The following CRTAM variants were observed in gnomAD, a reference collection of about 807,000 sequenced individuals.
CRTAM encodes the protein cytotoxic and regulatory T cell molecule.
A neutral mutation model predicts 50.0 loss-of-function variants in CRTAM; 44 were observed. The observed-to-expected ratio is 0.88, with a 90% CI of 0.69 to 1.13. CRTAM has a LOEUF of 1.13. Ranked by LOEUF, CRTAM falls within the 50% of genes most tolerant of loss-of-function variation. The pLI is 0.00. For missense variants in CRTAM, 448 were observed against 457.5 expected (o/e 0.98, Z 0.19); for synonymous variants, 159 against 169.3 (o/e 0.94, Z 0.47).
At chr11:122,862,342 G>A (rs778949834) in intron 5 of CRTAM, 122 bp from the exon 6 acceptor site, 52 of 694,018 alleles carry the variant, frequency 7.5e-5, no homozygotes, top group Non-Finnish European at 1.2e-4. Context: ...CAGTTCTGGG[G>A]TTTCTGCACA....
At chr11:122,867,730 G>A (rs1862198163) in intron 8 of CRTAM, among the ~76,000 whole-genome samples, 175 bp downstream of exon 8, 2 of 152,300 alleles carry the variant, frequency 1.3e-5, no homozygotes, top group Middle Eastern at 3.4e-3. Context: ...AATCTCCAGG[G>A]ACTATAGTCT....
chr11:122,868,519 A>G (rs1008068162), intron 9 of CRTAM, among the ~76,000 whole-genome samples: 48 of 152,222 alleles, frequency 3.2e-4, no homozygotes, highest in African/African-American at 1.2e-3. Flanking sequence ...CTGGGCCCCC[A>G]ACAGAATGGA....
At position 122,862,517 on chromosome 11, in the gene CRTAM, C is replaced by A; in HGVS notation, c.706C>A (p.Gln236Lys). The change falls in exon 6 of 10, where the codon CAA (glutamine) becomes AAA (lysine). Residue 236 changes from glutamine to lysine, a missense_variant. Physicochemically the swap from Gln to Lys is moderately conservative, Grantham distance 53. Transcript: ENST00000227348. ...DALERNSLSS[Q>K]DPQQPTSTVS... ...TCTGGAGAGAAACTCTCTATCCTCTCAAGACCCACAGCAGCCCACCAGTAC... is the reference window on the plus strand; with the variant it reads ...TCTGGAGAGAAACTCTCTATCCTCTAAAGACCCACAGCAGCCCACCAGTAC... 6.2e-7 allele frequency: 1 copy of A among 1,611,476 alleles called. No homozygotes were observed. The highest frequency in any genetic ancestry group is 2.2e-5 in the East Asian group (1 of 44,874).
chr11:122,864,228 A>G (rs1862138705), intron 6 of CRTAM, among the ~76,000 whole-genome samples: 1 of 152,178 alleles, frequency 6.6e-6, no homozygotes, highest in African/African-American at 2.4e-5. Context: ...CTGATTCAGG[A>G]TGGAAATATG....
chr11:122,862,467 C>T lies in CRTAM; in HGVS notation c.656C>T (p.Thr219Ile). 1 of 1,610,166 alleles carries T rather than the reference C, an allele frequency of 6.2e-7. No individual in the cohort carries two copies. Among genetic ancestry groups the T allele is most frequent in the Non-Finnish European group, 8.5e-7 (1 of 1,176,344 alleles). The change falls in exon 6 of 10, where the codon ACT (threonine) becomes ATT (isoleucine). Residue 219 changes from threonine (T) to isoleucine (I), a missense_variant. Thr to Ile is a moderately conservative substitution (Grantham distance 89, BLOSUM62 -1). Transcript: ENST00000227348. ...VAPFRFEDLV[T>I]DEETASDALE... is the part of the protein sequence containing the mutation. Reference sequence around the variant, plus strand: ...TTTTGTTTTTCCCCTTTCCTAGTTACTGATGAAGAGACAGCTTCAGATGCT... The same window carrying T: ...TTTTGTTTTTCCCCTTTCCTAGTTATTGATGAAGAGACAGCTTCAGATGCT...
chr11:122,849,916 T>A lies in CRTAM; in HGVS notation c.47-152T>A, dbSNP rs1021655550. On this transcript the variant is annotated intron_variant, in intron 1 of 9. Transcript: ENST00000227348. Reference sequence around the variant, plus strand: ...TATCATTACTGCTCCTACTCTCAGTTCTTGCCTCTCCCCTCCCATTTTGTT... The same window carrying A: ...TATCATTACTGCTCCTACTCTCAGTACTTGCCTCTCCCCTCCCATTTTGTT... 29 of 616,244 alleles carry A rather than the reference T, an allele frequency of 4.7e-5. No homozygotes were observed. The Admixed American group carries it at 7.8e-4, about 17-fold the overall frequency. The allele number at this position is 616,244 out of a possible 1,614,324, so 38.2% of individuals were successfully genotyped here. A position where few individuals can be genotyped will look rare whatever the true frequency, so the allele number is the denominator to read the frequency against.
chr11:122,858,360 G>A (rs1033681734), intron 5 of CRTAM, among the ~76,000 whole-genome samples: 2 of 152,060 alleles, frequency 1.3e-5, no homozygotes, highest in Non-Finnish European at 2.9e-5. Context: ...GGGGTGGCTG[G>A]GAGCACAGGC....
intron 9 of CRTAM, among the ~76,000 whole-genome samples, chr11:122,868,513 G>A (rs1565294664): frequency 1.3e-5 from 2 of 151,910 alleles, no homozygotes; most frequent in Non-Finnish European, 2.9e-5. Flanking sequence ...TTCTTTCTGG[G>A]CCCCCAACAG....
intron 4 of CRTAM, among the ~76,000 whole-genome samples, chr11:122,854,509 C>T (rs939880689): frequency 1.4e-5 from 2 of 141,188 alleles, no homozygotes; most frequent in Non-Finnish European, 1.5e-5. Context: ...CTCGTCCCTA[C>T]TAAAAATAAA....
rs763296787 is a variant in CRTAM, at chr11:122,854,085, C to A, written c.489C>A (p.Ser163=). 1.2e-6 allele frequency: 2 copies of A among 1,609,888 alleles called. No homozygotes were observed. The highest frequency in any genetic ancestry group is 1.7e-5 in the Admixed American group (1 of 58,990). Residue 163 remains serine (S), a splice_region_variant and synonymous_variant, in exon 4 of 10, where the codon TCC becomes TCA. Coordinates refer to ENST00000227348, the MANE Select transcript of CRTAM (RefSeq NM_019604.4). ...TWLLGNSMEV[S]GGTLHEFETD... is the part of the protein sequence containing the mutation. The stretch of plus-strand genomic sequence containing the variant: ...TACTTGGGAATAGCATGGAAGTGTC[C>A]GGTAAGGGGAGAAATGGTTCTCTTT...
chr11:122,870,672 A>T (rs145001463), intron 9 of CRTAM, among the ~76,000 whole-genome samples: 2 of 152,184 alleles, frequency 1.3e-5, no homozygotes, highest in African/African-American at 4.8e-5. Flanking sequence ...CTAGTGTGCA[A>T]TTTTGCTAAG....
intron 5 of CRTAM, among the ~76,000 whole-genome samples, chr11:122,857,215 T>C (rs1241582449): frequency 6.6e-6 from 1 of 152,194 alleles, no homozygotes; most frequent in East Asian, 1.9e-4. Flanking sequence ...ACGCCTGTAA[T>C]CCCAGCACTT....
At chr11:122,867,354 C>CA (rs57365669) in intron 7 of CRTAM, 55 bp from the exon 8 acceptor site, 1,402 of 1,242,652 alleles carry the variant, frequency 1.1e-3, no homozygotes, top group Admixed American at 2.1e-3. Flanking sequence ...TCTCCAGTGG[C>CA]AAAAAAAAAA....
At chr11:122,851,870 T>G in intron 3 of CRTAM, 25 bp downstream of exon 3, 1 of 1,609,656 alleles carries the variant, frequency 6.2e-7, no homozygotes, top group Non-Finnish European at 8.5e-7. Flanking sequence ...GTGAACCCAG[T>G]AGGGGAGCAA....
rs749909101 is a variant in CRTAM, at chr11:122,850,133, T to C, written c.112T>C (p.Cys38Arg). 1 of 1,613,582 alleles carries C rather than the reference T, an allele frequency of 6.2e-7. No homozygotes were observed. The highest frequency in any genetic ancestry group is 1.1e-5 in the South Asian group (1 of 91,030). ...GGAAGGCCAGACGCTCACTCTAAAG[T>C]GTGTCACTTCTCTGAGGAAGAACTC... ...VEEGQTLTLK[C>R]VTSLRKNSSL... The change falls in exon 2 of 10, where the codon TGT (cysteine) becomes CGT (arginine). Residue 38 changes from cysteine (C) to arginine (R), a missense_variant. Cys to Arg is a radical substitution (Grantham distance 180, BLOSUM62 -3). Coordinates refer to ENST00000227348, the MANE Select transcript of CRTAM (RefSeq NM_019604.4).
intron 1 of CRTAM, among the ~76,000 whole-genome samples, chr11:122,839,525 T>C (rs1861774394): frequency 6.6e-6 from 1 of 152,214 alleles, no homozygotes; most frequent in Admixed American, 6.5e-5. Context: ...AATTTGGATT[T>C]TAGTGCTTAA....
At position 122,859,067 on chromosome 11, in the gene CRTAM, T is replaced by C. The variant is rs1385611828; in HGVS notation, c.652+3211T>C. 2.0e-5 allele frequency among the ~76,000 whole-genome samples: 3 copies of C among 152,324 alleles called. No individual in the cohort carries two copies. The East Asian group carries it at 5.8e-4, about 29-fold the overall frequency. ...AAAAAATATGTATCTGTCAATTTATTTTAAAATAATAAATCTGCTACATGT... is the reference window on the plus strand; with the variant it reads ...AAAAAATATGTATCTGTCAATTTATCTTAAAATAATAAATCTGCTACATGT... On this transcript the variant is annotated intron_variant, in intron 5 of 9. Coordinates refer to ENST00000227348, the MANE Select transcript of CRTAM (RefSeq NM_019604.4).
intron 5 of CRTAM, among the ~76,000 whole-genome samples, chr11:122,861,382 A>T (rs1862072333): frequency 1.3e-5 from 1 of 78,376 alleles, no homozygotes; most frequent in Non-Finnish European, 2.3e-5. Flanking sequence ...ACACATACAT[A>T]TACGTATATA....
intron 6 of CRTAM, among the ~76,000 whole-genome samples, chr11:122,863,294 GAA>G (rs1438925660): frequency 5.8e-5 from 8 of 138,936 alleles, no homozygotes; most frequent in Non-Finnish European, 1.2e-4. Context: ...GAAAAAGAAA[GAA>G]AGAGAGAAAG....
Sources: gnomAD v4.1 joint callset for allele counts (sites outside exome capture counted in the v4.1 genomes callset) on GRCh38, gnomAD v4.1.1 for gene constraint, MANE v1.5 for transcripts, NCBI Gene and HGNC (gene_info 2026-07-23, HGNC 2026-07-21) for gene names.